STAC: variants seen among roughly 807,000 people sequenced by gnomAD.
STAC encodes SH3 and cysteine rich domain.
Under a neutral mutation model 48.8 loss-of-function variants are expected in STAC, and 43 were observed. The ratio of observed to expected loss-of-function variants is 0.88; its 90% CI spans 0.69 to 1.14. The LOEUF (loss-of-function observed/expected upper bound fraction) is 1.14. STAC is among the 50% of genes most tolerant of loss of function. The pLI is 0.00. For synonymous variants in STAC, 193 were observed against 179.5 expected (o/e 1.07, Z -0.60); for missense variants, 497 against 504.0 (o/e 0.99, Z 0.13).
At chr3:36,444,572 C>T (rs1017719991) in intron 2 of STAC, among the ~76,000 whole-genome samples, 1 of 152,190 alleles carries the variant, frequency 6.6e-6, no homozygotes, top group Non-Finnish European at 1.5e-5. Context: ...GGAGGTGGCA[C>T]ACTGTGACTT....
At chr3:36,497,416 T>C (rs2125709318) in intron 6 of STAC, among the ~76,000 whole-genome samples, 1 of 152,230 alleles carries the variant, frequency 6.6e-6, no homozygotes, top group East Asian at 1.9e-4. Flanking sequence ...ATAAGGCAAT[T>C]CCTTAGAGTC....
intron 1 of STAC, among the ~76,000 whole-genome samples, chr3:36,382,993 T>C (rs76340970): frequency 0.034 from 5,203 of 152,282 alleles, 313 homozygotes; most frequent in African/African-American, 0.12. Context: ...GACTTAAAGT[T>C]ACTTTTTTTA....
Position 36,398,359 on chromosome 3 carries a change from G to GA in STAC, c.111+17608dup, listed in dbSNP as rs1282629142. Among the ~76,000 whole-genome samples the GA allele has an allele frequency of 6.9e-4, 91 of 131,720 alleles. 1 individual carries two copies. Among genetic ancestry groups the GA allele is most frequent in the African/African-American group, 2.5e-3 (86 of 34,716 alleles). 86.4% of individuals were successfully genotyped at this position (131,720 alleles called of 152,430 possible). ...AGAAAGAAAGAAAGAAAGAAAGAAA[G>GA]AAAGAAAGAAAAGAAAGAGAGAAAG... is the stretch of plus-strand genomic sequence containing the variant. On this transcript the variant is annotated intron_variant, in intron 1 of 10. Transcript: ENST00000273183.
At chr3:36,457,533 A>C (rs1199186971) in intron 2 of STAC, among the ~76,000 whole-genome samples, 1 of 152,226 alleles carries the variant, frequency 6.6e-6, no homozygotes, top group Non-Finnish European at 1.5e-5. Context: ...TTGAGCATGA[A>C]TTGGCCAGTC....
intron 1 of STAC, among the ~76,000 whole-genome samples, chr3:36,437,012 AAC>A (rs1215446444): frequency 6.6e-6 from 1 of 151,830 alleles, no homozygotes; most frequent in Non-Finnish European, 1.5e-5. Context: ...GCAGCCAAAA[AAC>A]ACATGAAAAA....
chr3:36,456,121 A>G (rs1696849372), intron 2 of STAC, among the ~76,000 whole-genome samples: 1 of 152,082 alleles, frequency 6.6e-6, no homozygotes, highest in Non-Finnish European at 1.5e-5. Context: ...TTCTGTTGTC[A>G]TAGCAAGACT....
intron 8 of STAC, among the ~76,000 whole-genome samples, chr3:36,517,885 A>G (rs1698713128): frequency 6.6e-6 from 1 of 152,114 alleles, no homozygotes; most frequent in South Asian, 2.1e-4. Context: ...ATACATGCAC[A>G]TACACACACA....
chr3:36,508,894 T>C (rs762243186), intron 8 of STAC, among the ~76,000 whole-genome samples: 3 of 152,248 alleles, frequency 2.0e-5, no homozygotes, highest in Non-Finnish European at 4.4e-5. Context: ...CAACTTTTAA[T>C]TGGGGCACTT....
chr3:36,405,740 G>T lies in STAC; in HGVS notation c.111+24986G>T, dbSNP rs938005699. ...CAGATCTCTTCTTTCTTCTTTTAGA[G>T]ACAAGAGTTTTGCTCTGTCATCCAG... On this transcript the variant is annotated intron_variant, in intron 1 of 10. Coordinates refer to ENST00000273183, the MANE Select transcript of STAC (RefSeq NM_003149.3). Among the ~76,000 whole-genome samples, 3 of 152,068 alleles carry T rather than the reference G, an allele frequency of 2.0e-5. No homozygotes were observed. The South Asian group carries it at 6.2e-4, about 32-fold the overall frequency.
At chr3:36,525,858 T>G (rs1392726869) in intron 8 of STAC, among the ~76,000 whole-genome samples, 2 of 152,210 alleles carry the variant, frequency 1.3e-5, no homozygotes, top group Admixed American at 1.3e-4. Flanking sequence ...GCCTGTTATA[T>G]TTGGAATCCC....
rs150129868 is a variant in STAC at position 36,538,658 on chromosome 3, C to T, written c.1111-7533C>T. The stretch of plus-strand genomic sequence containing the variant: ...ATGAGCATATCCAGATCATCACATG[C>T]TTGCAAGAATTTAACATTATTATTT... On this transcript the variant is annotated intron_variant, in intron 10 of 10. Transcript: ENST00000273183. Among the ~76,000 whole-genome samples, 35 of 152,244 alleles carry T rather than the reference C, an allele frequency of 2.3e-4. No homozygotes were observed. The East Asian group carries it at 6.2e-3, about 27-fold the overall frequency.
rs1696409635 is a variant in STAC, at chr3:36,443,311, G to C, written c.112-53G>C. The C allele has an allele frequency of 1.9e-6, 3 of 1,604,570 alleles. No individual in the cohort carries two copies. In the African/African-American group the frequency reaches 4.0e-5, roughly 21 times the overall value. On this transcript the variant is annotated intron_variant, in intron 1 of 10. Coordinates refer to ENST00000273183, the MANE Select transcript of STAC (RefSeq NM_003149.3). The surrounding 1 kb of genome is among the most constrained non-coding windows in gnomAD (Gnocchi z 4.2). The stretch of plus-strand genomic sequence containing the variant: ...CAGCAGACCTTACCCCCACAGCCTA[G>C]GTCTGCTTGATCCATTGATCGTAAG...
chr3:36,448,996 G>C (rs1453070077), intron 2 of STAC, among the ~76,000 whole-genome samples: 3 of 151,898 alleles, frequency 2.0e-5, no homozygotes, highest in Non-Finnish European at 4.4e-5. Flanking sequence ...GCACACACCT[G>C]TAGTCTCAGC....
intron 8 of STAC, among the ~76,000 whole-genome samples, chr3:36,507,684 A>G (rs151284011): frequency 1.9e-3 from 285 of 151,810 alleles, no homozygotes; most frequent in African/African-American, 6.5e-3. Flanking sequence ...ATTTCTTCTA[A>G]GTTTTCTAGT....
intron 2 of STAC, among the ~76,000 whole-genome samples, chr3:36,448,701 T>G (rs904444825): frequency 2.6e-5 from 4 of 152,116 alleles, no homozygotes; most frequent in African/African-American, 9.7e-5. Flanking sequence ...TTAAACTCAC[T>G]TGGAGTCCCA....
chr3:36,435,350 C>A (rs1487044033), intron 1 of STAC, among the ~76,000 whole-genome samples: 2 of 152,108 alleles, frequency 1.3e-5, no homozygotes, highest in Non-Finnish European at 2.9e-5. Flanking sequence ...ATACCAATTC[C>A]ACCAACTCTT....
chr3:36,462,951 T>C (rs1456426796), intron 2 of STAC, among the ~76,000 whole-genome samples: 1 of 152,214 alleles, frequency 6.6e-6, no homozygotes, highest in African/African-American at 2.4e-5. Context: ...AACAATTTTA[T>C]ATGATTGTTA....
intron 5 of STAC, among the ~76,000 whole-genome samples, chr3:36,490,139 C>T (rs1559511370): frequency 6.6e-6 from 1 of 152,178 alleles, no homozygotes; most frequent in Non-Finnish European, 1.5e-5. Context: ...GCTCTTACTC[C>T]CTCTCTGTGT....
intron 2 of STAC, among the ~76,000 whole-genome samples, chr3:36,466,895 T>C (rs1305723506): frequency 1.3e-5 from 2 of 152,046 alleles, no homozygotes; most frequent in East Asian, 1.9e-4. Context: ...TGAATAGAAA[T>C]GTTGAAAGTG....
Sources: allele counts gnomAD v4.1 joint callset (sites outside exome capture counted in the v4.1 genomes callset), GRCh38; gene constraint gnomAD v4.1.1; non-coding constraint Gnocchi (gnomAD v3.1); transcripts MANE v1.5; gene names NCBI Gene and HGNC (gene_info 2026-07-23, HGNC 2026-07-21).